Variants in BBOX1 observed in about 807,000 individuals in gnomAD.
The protein encoded by BBOX1 is gamma-butyrobetaine dioxygenase.
BBOX1 carries 35 observed loss-of-function variants against 41.6 expected under a neutral mutation model. The ratio of observed to expected loss-of-function variants is 0.84; its 90% CI spans 0.64 to 1.11. The LOEUF is 1.11. Among genes scored for constraint, BBOX1 ranks in the 50% most tolerant of loss-of-function variants. The probability of loss-of-function intolerance (pLI) is 0.00; values close to 1 mark genes in which losing one functional copy is unlikely to be tolerated. For missense variants in BBOX1, 458 were observed against 460.6 expected, an observed-to-expected ratio of 0.99 and a Z score of 0.05; for synonymous variants, 163 against 154.7, an observed-to-expected ratio of 1.05 and a Z score of -0.40.
intron 4 of BBOX1, among the ~76,000 whole-genome samples, chr11:27,070,793 A>C (rs1304315408): frequency 1.3e-5 from 2 of 150,158 alleles, no homozygotes; most frequent in African/African-American, 4.9e-5. Flanking sequence ...GTTCATGTCG[A>C]GATGTGAGAT....
chr11:27,046,049 G>A (rs1006053084), intron 2 of BBOX1, among the ~76,000 whole-genome samples: 2 of 152,130 alleles, frequency 1.3e-5, no homozygotes, highest in Admixed American at 1.3e-4. Flanking sequence ...AATGAGCAGT[G>A]TGAGCCTGGA....
intron 5 of BBOX1, among the ~76,000 whole-genome samples, chr11:27,114,019 CA>C (rs543921524): frequency 6.6e-6 from 1 of 151,532 alleles, no homozygotes; most frequent in Non-Finnish European, 1.5e-5. Flanking sequence ...AAAATCCACC[CA>C]AAAAAAGCTA....
chr11:27,091,710 A>G (rs1385905767), intron 4 of BBOX1, among the ~76,000 whole-genome samples: 2 of 151,998 alleles, frequency 1.3e-5, no homozygotes, highest in African/African-American at 4.8e-5. Context: ...AAGAGTTAAA[A>G]TTAGGGATTC....
At chr11:27,104,075 A>C (rs193085590) in intron 5 of BBOX1, among the ~76,000 whole-genome samples, 1 of 151,628 alleles carries the variant, frequency 6.6e-6, no homozygotes. Context: ...CTCAATATGC[A>C]CTCTTCTCAG....
intron 6 of BBOX1, among the ~76,000 whole-genome samples, chr11:27,116,094 G>T (rs2134096261): frequency 6.6e-6 from 1 of 152,044 alleles, no homozygotes; most frequent in Non-Finnish European, 1.5e-5. Flanking sequence ...ATGACAGACT[G>T]GATAAAGAAA....
At chr11:27,060,778 C>A (rs746033684) in intron 4 of BBOX1, among the ~76,000 whole-genome samples, 1 of 152,172 alleles carries the variant, frequency 6.6e-6, no homozygotes, top group African/African-American at 2.4e-5. Context: ...TCCTCCATTT[C>A]TTTAGTCTCA....
chr11:27,119,640 T>C lies in BBOX1; in HGVS notation c.640-9T>C. The C allele has an allele frequency of 7.3e-7, 1 of 1,371,168 alleles. No individual in the cohort carries two copies. Among genetic ancestry groups the C allele is most frequent in the Non-Finnish European group, 9.5e-7 (1 of 1,055,260 alleles). The allele number at this position is 1,371,168 out of a possible 1,614,324, so 84.9% of individuals were successfully genotyped here. ...TATTTATTTAATAATGCATATTTTC[T>C]TTTTATAGGTTCAGCTTCTTCACTG... is the stretch of plus-strand genomic sequence containing the variant. On this transcript the variant is annotated splice_polypyrimidine_tract_variant and intron_variant, in intron 6 of 8. Transcript: ENST00000263182.
chr11:27,057,104 G>C (rs1417469728), intron 3 of BBOX1, 97 bp from the exon 4 acceptor site: 2 of 434,832 alleles, frequency 4.6e-6, no homozygotes, highest in Non-Finnish European at 7.8e-6. Flanking sequence ...AGCATAATTG[G>C]ATTCCCTGAT....
intron 4 of BBOX1, among the ~76,000 whole-genome samples, chr11:27,058,157 A>G (rs1857040033): frequency 6.6e-6 from 1 of 152,208 alleles, no homozygotes; most frequent in Non-Finnish European, 1.5e-5. Context: ...TGGTCATTTA[A>G]AAGTGTGTAG....
intron 6 of BBOX1, among the ~76,000 whole-genome samples, chr11:27,118,706 T>G (rs1338576962): frequency 6.6e-6 from 1 of 152,048 alleles, no homozygotes; most frequent in African/African-American, 2.4e-5. Context: ...TCATCTTTTT[T>G]CTATTTGAAG....
chr11:27,087,000 A>G (rs188029015), intron 4 of BBOX1, among the ~76,000 whole-genome samples: 1 of 152,240 alleles, frequency 6.6e-6, no homozygotes, highest in East Asian at 1.9e-4. Flanking sequence ...AATTGCTACA[A>G]TCTCATAATA....
chr11:27,067,945 G>A (rs1409678132), intron 4 of BBOX1, among the ~76,000 whole-genome samples: 5 of 152,030 alleles, frequency 3.3e-5, no homozygotes, highest in Admixed American at 2.6e-4. Flanking sequence ...ATTCCATGGT[G>A]TGTATATACC....
intron 5 of BBOX1, among the ~76,000 whole-genome samples, chr11:27,112,228 G>A (rs531528359): frequency 6.6e-6 from 1 of 151,918 alleles, no homozygotes; most frequent in South Asian, 2.1e-4. Flanking sequence ...GCATATAGCA[G>A]TTGTTATTAA....
At chr11:27,075,476 C>T (rs568825606) in intron 4 of BBOX1, among the ~76,000 whole-genome samples, 20 of 152,206 alleles carry the variant, frequency 1.3e-4, no homozygotes, top group African/African-American at 4.6e-4. Context: ...ACCCAATCAT[C>T]GGCAGAGGTC....
At chr11:27,089,049 A>G (rs1314799307) in intron 4 of BBOX1, among the ~76,000 whole-genome samples, 2 of 152,002 alleles carry the variant, frequency 1.3e-5, no homozygotes, top group Non-Finnish European at 2.9e-5. Context: ...AGTGAGACAC[A>G]GAGAAGAAGC....
intron 7 of BBOX1, among the ~76,000 whole-genome samples, chr11:27,122,807 T>C (rs1859516378): frequency 1.3e-5 from 2 of 152,132 alleles, no homozygotes; most frequent in Admixed American, 6.5e-5. Flanking sequence ...TTGTTGTTGT[T>C]GGCATCATTG....
At chr11:27,110,959 C>T (rs554426509) in intron 5 of BBOX1, among the ~76,000 whole-genome samples, 2 of 151,912 alleles carry the variant, frequency 1.3e-5, no homozygotes, top group East Asian at 3.9e-4. Flanking sequence ...TTTCAATTAC[C>T]CATTGTCTGG....
chr11:27,116,790 G>A (rs907710139), intron 6 of BBOX1, among the ~76,000 whole-genome samples: 1 of 151,986 alleles, frequency 6.6e-6, no homozygotes, highest in African/African-American at 2.4e-5. Flanking sequence ...ATTGGTCTAA[G>A]GAAGTAATAA....
chr11:27,093,529 A>G (rs1375553009), intron 5 of BBOX1, among the ~76,000 whole-genome samples, 163 bp downstream of exon 5: 1 of 152,008 alleles, frequency 6.6e-6, no homozygotes, highest in Non-Finnish European at 1.5e-5. Context: ...GCTGAGAATG[A>G]TAATTTTTTA....
Sources: allele counts gnomAD v4.1 joint callset (sites outside exome capture counted in the v4.1 genomes callset), GRCh38; gene constraint gnomAD v4.1.1; transcripts MANE v1.5; gene names NCBI Gene and HGNC (gene_info 2026-07-23, HGNC 2026-07-21).